WIPF2: variants seen among roughly 807,000 people sequenced by gnomAD.
WIPF2 encodes WAS/WASL interacting protein family member 2.
WIPF2 carries 23 observed loss-of-function variants against 38.8 expected under a neutral mutation model. The observed-to-expected ratio is 0.59, with a 90% CI of 0.43 to 0.84. The LOEUF (loss-of-function observed/expected upper bound fraction) is 0.84, where lower values mean the gene tolerates loss of function less well. WIPF2 is among the 40% of genes least tolerant of loss of function. WIPF2 has a pLI of 0.00. For missense variants in WIPF2, 574 were observed against 580.5 expected (o/e 0.99, Z 0.11); for synonymous variants, 210 against 223.2 (o/e 0.94, Z 0.53).
At chr17:40,219,593 G>A (rs1289081842) in intron 1 of WIPF2, 101 bp downstream of exon 1, 1 of 123,428 alleles carries the variant, frequency 8.1e-6, no homozygotes, top group Non-Finnish European at 1.7e-5. Flanking sequence ...CGGGGCTTGA[G>A]AAGAGAGGGG....
chr17:40,242,807 A>T (rs2145323674), intron 1 of WIPF2, among the ~76,000 whole-genome samples: 1 of 152,266 alleles, frequency 6.6e-6, no homozygotes, highest in East Asian at 1.9e-4. Context: ...ATGACTTTGA[A>T]CTATTACTGA....
intron 1 of WIPF2, among the ~76,000 whole-genome samples, chr17:40,233,494 CT>C (rs879430351): frequency 3.0e-3 from 439 of 145,486 alleles, no homozygotes; most frequent in Middle Eastern, 7.2e-3. Context: ...TTTATTCTTT[CT>C]TTTTTTTTTT....
intron 1 of WIPF2, among the ~76,000 whole-genome samples, chr17:40,230,673 TACCAGACTTGCTATTTAGGAAACAGAA>T (rs2030702251): frequency 6.6e-6 from 1 of 152,196 alleles, no homozygotes; most frequent in Non-Finnish European, 1.5e-5. Context: ...ATTGTTAGTT[TACCAGACTTGCTATTTAGGAAACAGAA>T]AACCTATTTA....
intron 1 of WIPF2, among the ~76,000 whole-genome samples, chr17:40,247,207 GTTTTTTTTTT>G (rs775838379): frequency 3.8e-4 from 45 of 116,976 alleles, no homozygotes; most frequent in African/African-American, 1.3e-3. Context: ...TTATTTCAGG[GTTTTTTTTTT>G]TTTTTTTTTT....
intron 5 of WIPF2, among the ~76,000 whole-genome samples, chr17:40,270,832 G>T (rs2032228525): frequency 6.6e-6 from 1 of 152,068 alleles, no homozygotes; most frequent in Non-Finnish European, 1.5e-5. Flanking sequence ...TTGACATTCT[G>T]AGTGTGTCTT....
chr17:40,232,704 AT>A (rs2030799080), intron 1 of WIPF2, among the ~76,000 whole-genome samples: 1 of 144,514 alleles, frequency 6.9e-6, no homozygotes, highest in Admixed American at 6.9e-5. Context: ...CAATGGTGTG[AT>A]CTCGGCTCAC....
intron 2 of WIPF2, among the ~76,000 whole-genome samples, chr17:40,257,813 A>G (rs1250463032): frequency 6.6e-6 from 1 of 151,866 alleles, no homozygotes; most frequent in Non-Finnish European, 1.5e-5. Flanking sequence ...ATTTGGAAGT[A>G]AAAGTGACTT....
intron 1 of WIPF2, among the ~76,000 whole-genome samples, chr17:40,222,717 C>G (rs541958468): frequency 8.8e-6 from 1 of 113,752 alleles, no homozygotes; most frequent in Admixed American, 1.3e-4. Context: ...GCTGCCCAGG[C>G]TGGAGTGGAA....
intron 1 of WIPF2, among the ~76,000 whole-genome samples, chr17:40,223,170 G>A (rs990074046): frequency 2.6e-5 from 4 of 151,514 alleles, no homozygotes; most frequent in African/African-American, 7.3e-5. Context: ...TTGAGACAGA[G>A]TCTTGCTGTA....
chr17:40,250,666 G>T (rs2031529610), intron 1 of WIPF2, among the ~76,000 whole-genome samples: 1 of 152,046 alleles, frequency 6.6e-6, no homozygotes, highest in Non-Finnish European at 1.5e-5. Context: ...AGCACAGATG[G>T]TGAGGTTTGT....
intron 1 of WIPF2, among the ~76,000 whole-genome samples, chr17:40,242,987 A>C (rs2031243676): frequency 6.6e-6 from 1 of 152,158 alleles, no homozygotes; most frequent in Admixed American, 6.6e-5. Flanking sequence ...TGGCTTTTGC[A>C]TTAGTTATTC....
chr17:40,223,094 A>G (rs1432609966), intron 1 of WIPF2, among the ~76,000 whole-genome samples: 2 of 151,960 alleles, frequency 1.3e-5, no homozygotes, highest in African/African-American at 4.8e-5. Context: ...GTGGAGATGA[A>G]TGAAGTCAAT....
chr17:40,277,285 A>G, intron 7 of WIPF2, 101 bp downstream of exon 7: 3 of 1,000,118 alleles, frequency 3.0e-6, no homozygotes, highest in Non-Finnish European at 4.4e-6. Context: ...ACAGTGGCTC[A>G]TACCTATAAT....
intron 1 of WIPF2, among the ~76,000 whole-genome samples, chr17:40,238,697 T>C (rs1021879826): frequency 3.3e-5 from 5 of 151,798 alleles, no homozygotes; most frequent in South Asian, 2.1e-4. Context: ...ACTGCAAACC[T>C]CCGCCTCCCG....
chr17:40,278,329 T>G lies in WIPF2; in HGVS notation c.*104T>G. The stretch of plus-strand genomic sequence containing the variant: ...CCTGCATGAGAGCTCCTAACATGTT[T>G]CTCCAATGCAATCAAGCCCTAGACT... On this transcript the variant is annotated 3_prime_UTR_variant, in exon 8 of 8. Transcript: ENST00000323571. The G allele has an allele frequency of 1.5e-6, 2 of 1,357,558 alleles. No homozygotes were observed. The highest frequency in any genetic ancestry group is 2.1e-6 in the Non-Finnish European group (2 of 973,288). The allele number at this position is 1,357,558 out of a possible 1,614,324, so 84.1% of individuals were successfully genotyped here.
chr17:40,275,641 G>A (rs527803752), intron 6 of WIPF2, among the ~76,000 whole-genome samples: 2 of 151,868 alleles, frequency 1.3e-5, no homozygotes, highest in Admixed American at 6.6e-5. Context: ...ACGGCTCACC[G>A]CAGTCTCGAC....
At chr17:40,248,099 A>G (rs180973975) in intron 1 of WIPF2, among the ~76,000 whole-genome samples, 1 of 134,230 alleles carries the variant, frequency 7.4e-6, no homozygotes, top group East Asian at 2.2e-4. Context: ...TGGTTGTTGT[A>G]TTGAAAGGTT....
intron 1 of WIPF2, among the ~76,000 whole-genome samples, chr17:40,227,769 C>T (rs990616065): frequency 1.3e-5 from 2 of 152,006 alleles, no homozygotes; most frequent in Admixed American, 6.6e-5. Flanking sequence ...ACAAGAATCA[C>T]TTGAACCTGG....
chr17:40,261,233 T>G (rs956348867), intron 3 of WIPF2, among the ~76,000 whole-genome samples: 1 of 152,152 alleles, frequency 6.6e-6, no homozygotes, highest in Non-Finnish European at 1.5e-5. Context: ...CCCTGATTCT[T>G]TAGCCTTCTA....
Sources: allele counts gnomAD v4.1 joint callset (sites outside exome capture counted in the v4.1 genomes callset), GRCh38; gene constraint gnomAD v4.1.1; transcripts MANE v1.5; gene names NCBI Gene and HGNC (gene_info 2026-07-23, HGNC 2026-07-21).